The following RAB13 variants were observed in gnomAD, a reference collection of about 807,000 sequenced individuals.
RAB13 encodes ras-related protein Rab-13.
Under a neutral mutation model 29.3 loss-of-function variants are expected in RAB13, and 15 were observed. That is an observed-to-expected ratio of 0.51 (90% confidence interval 0.34 to 0.79). The LOEUF is 0.79. Ranked by LOEUF, RAB13 falls within the 30% of genes least tolerant of loss-of-function variation. The pLI is 0.01. For synonymous variants in RAB13, 82 were observed against 93.8 expected, an observed-to-expected ratio of 0.87 and a Z score of 0.73; for missense variants, 186 against 255.5, an observed-to-expected ratio of 0.73 and a Z score of 1.85.
At chr1:153,986,478 A>G (rs914760284), upstream of RAB13, 4 of 503,976 alleles carry the variant, frequency 7.9e-6, no homozygotes, top group African/African-American at 6.3e-5. Context: ...TTCCCTTCCT[A>G]GCTTAGGCCG....
chr1:153,984,684 G>A, intron 2 of RAB13, 37 bp downstream of exon 2: 1 of 1,560,356 alleles, frequency 6.4e-7, no homozygotes, highest in South Asian at 1.1e-5. Context: ...GAGGTAAATG[G>A]GGAAGTCTGG....
upstream of RAB13, among the ~76,000 whole-genome samples, chr1:153,990,082 A>G (rs1019846961): frequency 1.3e-5 from 2 of 151,466 alleles, no homozygotes; most frequent in Non-Finnish European, 2.9e-5. Context: ...TCCCCTGTTT[A>G]TTTATTTATT....
At chr1:153,986,991 C>A (rs891334059), upstream of RAB13, among the ~76,000 whole-genome samples, 1 of 152,154 alleles carries the variant, frequency 6.6e-6, no homozygotes, top group African/African-American at 2.4e-5. Flanking sequence ...CTAGACACAT[C>A]CTGGGGCTTC....
chr1:153,987,774 CAAAAAAAAAAAA>C (rs60689643), upstream of RAB13, among the ~76,000 whole-genome samples: 1 of 54,314 alleles, frequency 1.8e-5, no homozygotes, highest in Non-Finnish European at 3.4e-5. Flanking sequence ...ACTGCTTCGA[CAAAAAAAAAAAA>C]AAAAAAAAAA....
At position 153,983,513 on chromosome 1, in the gene RAB13, C is replaced by A; in HGVS notation, c.246+8G>T. ...CCTTCATCCTTTGTTCAGACCCACA[C>A]TTCATACCATGGCTCCACGGTAGTA... is the stretch of plus-strand genomic sequence containing the variant. On this transcript the variant is annotated splice_region_variant and intron_variant, in intron 3 of 7. Coordinates refer to ENST00000368575, the MANE Select transcript of RAB13 (RefSeq NM_002870.5). 6.3e-7 allele frequency: 1 copy of A among 1,599,948 alleles called. No homozygotes were observed. The highest frequency in any genetic ancestry group is 8.6e-7 in the Non-Finnish European group (1 of 1,167,096).
upstream of RAB13, among the ~76,000 whole-genome samples, chr1:153,988,179 G>T (rs974420069): frequency 6.6e-6 from 1 of 151,736 alleles, no homozygotes; most frequent in Non-Finnish European, 1.5e-5. Context: ...ATTTTTAGTA[G>T]AGATGGGGTT....
chr1:153,988,768 AC>A (rs1050131013), upstream of RAB13, among the ~76,000 whole-genome samples: 6 of 145,882 alleles, frequency 4.1e-5, 1 homozygote, highest in African/African-American at 1.5e-4. Flanking sequence ...CACCCGCACT[AC>A]CCCCTGCTAA....
In RAB13 at chr1:153,985,108, C is replaced by T. The variant is rs1649119086; in HGVS notation, c.125-327G>A. ...AACTCTCTGAATTCAGTCTCTGTCT[C>T]CCCCCAGATATTACTTTCACATTCC... On this transcript the variant is annotated intron_variant, in intron 1 of 7. Transcript: ENST00000368575. 6.5e-6 allele frequency: 7 copies of T among 1,074,718 alleles called. No individual in the cohort carries two copies. In the South Asian group the frequency reaches 2.1e-4, roughly 32 times the overall value. The allele number at this position is 1,074,718 out of a possible 1,614,324, so 66.6% of individuals were successfully genotyped here.
At chr1:153,983,437 C>A (rs952454382) in intron 3 of RAB13, 84 bp downstream of exon 3, 8 of 1,515,232 alleles carry the variant, frequency 5.3e-6, no homozygotes, top group African/African-American at 1.4e-5. Context: ...CCCATTTTTA[C>A]CTGCCCCAAC....
chr1:153,983,579 TC>T lies in RAB13; in HGVS notation c.187del (p.Asp63ThrfsTer11). The T allele has an allele frequency of 6.2e-7, 1 of 1,607,766 alleles. No individual in the cohort carries two copies. Reference protein sequence around the residue: ...EGKKIKLQVWDTAGQERFKTI... With the variant: ...EGKKIKLQVWXTAGQERFKTI... ...CTTGAACCGCTCTTGGCCAGCCGTG[TC>T]CCTAAAGAAGGAGAAGTTTTCATGG... On this transcript the variant is annotated frameshift_variant and splice_region_variant, in exon 3 of 8. Transcript: ENST00000368575. LOFTEE classifies it high-confidence loss of function.
At chr1:153,984,449 A>G (rs952668047) in intron 2 of RAB13, among the ~76,000 whole-genome samples, 3 of 152,154 alleles carry the variant, frequency 2.0e-5, no homozygotes, top group Non-Finnish European at 4.4e-5. Flanking sequence ...GCCTGTTTCC[A>G]TGTTATGACT....
upstream of RAB13, among the ~76,000 whole-genome samples, chr1:153,989,086 A>C (rs1187960114): frequency 1.5e-5 from 2 of 136,802 alleles, no homozygotes; most frequent in African/African-American, 2.7e-5. Flanking sequence ...CGCCCAGCTA[A>C]ATTTTTTTTT....
intron 2 of RAB13, 115 bp downstream of exon 2, chr1:153,984,606 T>C (rs1209342052): frequency 2.2e-6 from 2 of 901,322 alleles, no homozygotes; most frequent in Non-Finnish European, 3.5e-6. Context: ...GTGCTCCTTC[T>C]AGCACTTCTA....
intron 2 of RAB13, 86 bp downstream of exon 2, chr1:153,984,635 G>A (rs1333466904): frequency 4.8e-6 from 6 of 1,243,106 alleles, no homozygotes; most frequent in Non-Finnish European, 7.0e-6. Context: ...AATGGGGAAA[G>A]GAAGAGAAAT....
chr1:153,982,083 A>T lies in RAB13; in HGVS notation c.*16T>A, dbSNP rs1184234113. On this transcript the variant is annotated 3_prime_UTR_variant, in exon 8 of 8. Coordinates refer to ENST00000368575, the MANE Select transcript of RAB13 (RefSeq NM_002870.5). ...CTCAGGTTCAGCTTCCGGGGTGGGG[A>T]GGCAAGAAAGGGTCCTCAGCCCAGG... The T allele has an allele frequency of 3.1e-6, 5 of 1,609,554 alleles. No homozygotes were observed. The Admixed American group carries it at 8.3e-5, about 27-fold the overall frequency.
At chr1:153,984,035 G>A (rs983983729) in intron 2 of RAB13, among the ~76,000 whole-genome samples, 2 of 151,896 alleles carry the variant, frequency 1.3e-5, no homozygotes, top group Non-Finnish European at 2.9e-5. Context: ...AAATTAGCCC[G>A]GCCTAGTGGC....
chr1:153,982,385 A>C lies in RAB13; in HGVS notation c.534+6T>G. On this transcript the variant is annotated splice_donor_region_variant and intron_variant, in intron 7 of 7. Coordinates refer to ENST00000368575, the MANE Select transcript of RAB13 (RefSeq NM_002870.5). ...AGTTGTACCTAGTCCAGCAAAACCA[A>C]CTTACTGATCTCCGGCCTCCTGACT... The C allele has an allele frequency of 6.2e-7, 1 of 1,611,858 alleles. No individual in the cohort carries two copies. Among genetic ancestry groups the C allele is most frequent in the Non-Finnish European group, 8.5e-7 (1 of 1,178,172 alleles).
chr1:153,984,437 C>T (rs1460835191), intron 2 of RAB13, among the ~76,000 whole-genome samples: 1 of 152,190 alleles, frequency 6.6e-6, no homozygotes, highest in African/African-American at 2.4e-5. Flanking sequence ...TAACTGCTCA[C>T]AGCCTGTTTC....
At position 153,984,760 on chromosome 1, in the gene RAB13, G is replaced by C; in HGVS notation, c.146C>G (p.Thr49Ser). Residue 49 changes from threonine (T) to serine (S), a missense_variant, in exon 2 of 8, where the codon ACT becomes AGT. Thr to Ser is a moderately conservative substitution (Grantham distance 58, BLOSUM62 1). Coordinates refer to ENST00000368575, the MANE Select transcript of RAB13 (RefSeq NM_002870.5). ...STIGIDFKIR[T>S]VDIEGKKIKL... ...GATCTTCTTCCCCTCTATATCCACA[G>C]TGCGGATCTTGAAATCAATTCCTAG... 1 of 1,613,516 alleles carries C rather than the reference G, an allele frequency of 6.2e-7. No individual in the cohort carries two copies. The highest frequency in any genetic ancestry group is 8.5e-7 in the Non-Finnish European group (1 of 1,179,734).
Sources: allele counts gnomAD v4.1 joint callset (sites outside exome capture counted in the v4.1 genomes callset), GRCh38; gene constraint gnomAD v4.1.1; transcripts MANE v1.5; gene names NCBI Gene and HGNC (gene_info 2026-07-23, HGNC 2026-07-21).